BTNL2: variants seen among roughly 807,000 people sequenced by gnomAD.
BTNL2 encodes butyrophilin-like protein 2.
In BTNL2, 46 loss-of-function variants were observed where a neutral mutation model predicts 46.8. That is an observed-to-expected ratio of 0.98 (90% confidence interval 0.78 to 1.26). The LOEUF is 1.26. Ranked by LOEUF, BTNL2 falls within the 50% of genes most tolerant of loss-of-function variation. The pLI, the probability that BTNL2 is intolerant of heterozygous loss-of-function variation, is 0.00. For synonymous variants in BTNL2, 226 were observed against 229.1 expected (o/e 0.99, Z 0.12); for missense variants, 461 against 592.6 (o/e 0.78, Z 2.31).
At chr6:32,402,572 C>T (rs1776849402) in intron 3 of BTNL2, among the ~76,000 whole-genome samples, 1 of 152,040 alleles carries the variant, frequency 6.6e-6, no homozygotes, top group Non-Finnish European at 1.5e-5. Flanking sequence ...AAATAGTTGT[C>T]TACATCTCTG....
chr6:32,401,127 G>A (rs1221712797), intron 4 of BTNL2, among the ~76,000 whole-genome samples: 1 of 140,546 alleles, frequency 7.1e-6, no homozygotes. Flanking sequence ...AGAATGGCCT[G>A]AACCTGGGAG....
At chr6:32,395,747 G>A (rs1173354037) in intron 5 of BTNL2, among the ~76,000 whole-genome samples, 1 of 152,178 alleles carries the variant, frequency 6.6e-6, no homozygotes, top group Non-Finnish European at 1.5e-5. Flanking sequence ...GTGAAACAAT[G>A]AGCCTTTTGT....
intron 4 of BTNL2, among the ~76,000 whole-genome samples, chr6:32,400,070 T>C (rs3817966): frequency 0.26 from 38,906 of 152,116 alleles, 5,180 homozygotes; most frequent in South Asian, 0.33. Context: ...GTGACTCTTC[T>C]CCTAAAACCT....
intron 2 of BTNL2, among the ~76,000 whole-genome samples, chr6:32,404,018 C>A (rs1298031986): frequency 1.3e-5 from 2 of 152,136 alleles, no homozygotes; most frequent in Non-Finnish European, 2.9e-5. Context: ...TGAAATACAT[C>A]AGTACGTTCC....
intron 4 of BTNL2, among the ~76,000 whole-genome samples, chr6:32,400,571 A>T (rs886611892): frequency 1.4e-4 from 21 of 152,030 alleles, no homozygotes; most frequent in African/African-American, 4.8e-4. Context: ...CACTTATCTC[A>T]GGTGCAGCAA....
intron 4 of BTNL2, among the ~76,000 whole-genome samples, chr6:32,401,285 A>G (rs527764109): frequency 6.7e-6 from 1 of 149,810 alleles, no homozygotes; most frequent in African/African-American, 2.5e-5. Context: ...TCAGAAAGTA[A>G]CAGCTCCCTC....
intron 2 of BTNL2, chr6:32,403,639 T>C: frequency 6.3e-6 from 1 of 158,294 alleles, no homozygotes; most frequent in Admixed American, 6.1e-5. Flanking sequence ...TGATTGAAGA[T>C]TTAACACAAA....
At chr6:32,402,397 T>G (rs1286427380) in intron 3 of BTNL2, among the ~76,000 whole-genome samples, 1 of 150,388 alleles carries the variant, frequency 6.6e-6, no homozygotes, top group Non-Finnish European at 1.5e-5. Context: ...CATTGAATAG[T>G]GCATCATGAG....
intron 4 of BTNL2, among the ~76,000 whole-genome samples, chr6:32,397,669 A>C (rs118152844): frequency 0.011 from 1,666 of 151,958 alleles, 64 homozygotes; most frequent in South Asian, 0.097. Context: ...AATGTTTCAG[A>C]GTTGAACAAA....
chr6:32,399,719 T>A lies in BTNL2; in HGVS notation c.730+2066A>T, dbSNP rs1776637521. Among the ~76,000 whole-genome samples, 1 of 152,162 alleles carries A rather than the reference T, an allele frequency of 6.6e-6. No homozygotes were observed. The highest frequency in any genetic ancestry group is 6.5e-5 in the Admixed American group (1 of 15,272). On this transcript the variant is annotated intron_variant, in intron 4 of 7. Coordinates refer to ENST00000454136, the MANE Select transcript of BTNL2 (RefSeq NM_001304561.2). This position sits in a 1 kb window ranked among gnomAD's most constrained non-coding sequence, Gnocchi z 5.2. ...ACTTTATAATTATTGTAAGAAAAAA[T>A]GAAATAATTCCCATAACATATTCAG...
In BTNL2 at chr6:32,407,162, T is replaced by C; in HGVS notation, c.-39A>G. On this transcript the variant is annotated 5_prime_UTR_variant, in exon 1 of 8. Transcript: ENST00000454136. ...AAGACAAGGAAACGCTGTGCCTAAG[T>C]GAGGCTGTGACACACCCGGCACACT... is the stretch of plus-strand genomic sequence containing the variant. 6.3e-7 allele frequency: 1 copy of C among 1,577,080 alleles called. No individual in the cohort carries two copies. The highest frequency in any genetic ancestry group is 8.7e-7 in the Non-Finnish European group (1 of 1,147,668).
At chr6:32,406,849 A>T (rs1777183907) in intron 1 of BTNL2, 196 bp downstream of exon 1, 6 of 511,992 alleles carry the variant, frequency 1.2e-5, no homozygotes, top group Non-Finnish European at 2.1e-5. Flanking sequence ...GTGCTCAAGT[A>T]ACTTTCCAAA....
intron 4 of BTNL2, among the ~76,000 whole-genome samples, chr6:32,401,211 A>T: frequency 2.2e-5 from 1 of 45,728 alleles, no homozygotes. Flanking sequence ...CCGTCTCAAA[A>T]AAAAAAAAAA....
chr6:32,407,045 C>G lies in BTNL2; in HGVS notation c.79G>C (p.Glu27Gln), dbSNP rs776086871. The G allele has an allele frequency of 1.2e-6, 2 of 1,612,720 alleles. No homozygotes were observed. The highest frequency in any genetic ancestry group is 3.3e-5 in the Admixed American group (2 of 60,026). ...LFILLTMKQS[E>Q]DFRVIGPAHP... ...CAGTAAAGGGAGAAGGGAATCCTAC[C>G]TGACTGCTTCATTGTCAGCAGGATG... The change falls in exon 1 of 8, where the codon GAA (glutamate) becomes CAA (glutamine). Residue 27 changes from glutamate (E) to glutamine (Q), a missense_variant and splice_region_variant. Coordinates refer to ENST00000454136, the MANE Select transcript of BTNL2 (RefSeq NM_001304561.2).
At position 32,393,913 on chromosome 6, in the gene BTNL2, G is replaced by C. The variant is rs953516513; in HGVS notation, c.*6+50C>G. The C allele has an allele frequency of 6.5e-7, 1 of 1,545,040 alleles. No homozygotes were observed. The highest frequency in any genetic ancestry group is 8.7e-7 in the Non-Finnish European group (1 of 1,144,216). ...AAAGGGAGGCTCGGGGAAGTACGCA[G>C]TACGGTTCCCACTGCAGTGTGCTCC... is the stretch of plus-strand genomic sequence containing the variant. On this transcript the variant is annotated intron_variant, in intron 7 of 7. Coordinates refer to ENST00000454136, the MANE Select transcript of BTNL2 (RefSeq NM_001304561.2). The surrounding 1 kb of genome is among the most constrained non-coding windows in gnomAD (Gnocchi z 4.8).
chr6:32,403,292 G>T, intron 2 of BTNL2, 76 bp from the exon 3 acceptor site: 1 of 1,475,292 alleles, frequency 6.8e-7, no homozygotes, highest in South Asian at 1.3e-5. Flanking sequence ...TCCCAGTGAC[G>T]TTGCTCACAG....
chr6:32,400,112 CA>C (rs1168213865), intron 4 of BTNL2, among the ~76,000 whole-genome samples: 2 of 152,194 alleles, frequency 1.3e-5, no homozygotes, highest in Non-Finnish European at 2.9e-5. Context: ...CAACCTGCCC[CA>C]AACACTGGCT....
chr6:32,404,674 C>T (rs1777005823), intron 2 of BTNL2, among the ~76,000 whole-genome samples: 1 of 152,204 alleles, frequency 6.6e-6, no homozygotes, highest in African/African-American at 2.4e-5. Flanking sequence ...ATGTGTGTCT[C>T]AGCAAAATTG....
intron 4 of BTNL2, among the ~76,000 whole-genome samples, chr6:32,400,755 A>AAC (rs1776709286): frequency 7.1e-6 from 1 of 140,208 alleles, no homozygotes; most frequent in African/African-American, 2.6e-5. Context: ...TAAAAAAAAA[A>AAC]AAAAAAAATT....
Sources: gnomAD v4.1 joint callset for allele counts (sites outside exome capture counted in the v4.1 genomes callset) on GRCh38, gnomAD v4.1.1 for gene constraint, Gnocchi (gnomAD v3.1) non-coding constraint, MANE v1.5 for transcripts, NCBI Gene and HGNC (gene_info 2026-07-23, HGNC 2026-07-21) for gene names.